Variants in ARHGEF10 observed in about 807,000 individuals in gnomAD.
ARHGEF10 encodes Rho guanine nucleotide exchange factor 10, also known as Rho guanine nucleotide exchange factor (GEF) 10.
In ARHGEF10, 140 loss-of-function variants were observed where a neutral mutation model predicts 147.4. The ratio of observed to expected loss-of-function variants is 0.95; its 90% CI spans 0.83 to 1.09. The LOEUF is 1.09. ARHGEF10 is among the 50% of genes least tolerant of loss of function. The pLI is 0.00. For missense variants in ARHGEF10, 2,222 were observed against 1,752.7 expected (o/e 1.27, Z -4.78); for synonymous variants, 902 against 695.8 (o/e 1.30, Z -4.67).
At position 1,948,458 on chromosome 8, in the gene ARHGEF10, A is replaced by G. The variant is rs971995892; in HGVS notation, c.3397+2803A>G. 6.6e-6 allele frequency among the ~76,000 whole-genome samples: 1 copy of G among 152,188 alleles called. No homozygotes were observed. The highest frequency in any genetic ancestry group is 1.5e-5 in the Non-Finnish European group (1 of 68,028). On this transcript the variant is annotated intron_variant, in intron 27 of 28. Transcript: ENST00000349830. The surrounding 1 kb of genome is among the most constrained non-coding windows in gnomAD (Gnocchi z 4.9). ...CCAGCTTCACTGATTTCTGGGGTAC[A>G]CTGACTGCTTTACCCACATTCAGTT...
In ARHGEF10 at chr8:1,832,653, GAGAGACAGAGGC is replaced by G. The variant is rs1265095261; in HGVS notation, c.-48+8563_-48+8574del. ...AGACAGAGGCAGAGGCAGAGACAGA[GAGAGACAGAGGC>G]AGAGACAGAGGCAGAGACAGAGACA... On this transcript the variant is annotated intron_variant, in intron 1 of 28. Transcript: ENST00000349830. 1.8e-4 allele frequency among the ~76,000 whole-genome samples: 22 copies of G among 124,052 alleles called. 5 individuals are homozygous for G. Among genetic ancestry groups the G allele is most frequent in the East Asian group, 1.7e-3 (7 of 4,034 alleles). The allele number at this position is 124,052 out of a possible 152,430, so 81.4% of individuals were successfully genotyped here. A position where few individuals can be genotyped will look rare whatever the true frequency, so the allele number is the denominator to read the frequency against.
rs79774321 is a variant in ARHGEF10 at position 1,826,167 on chromosome 8, T to A, written c.-48+2054T>A. On this transcript the variant is annotated intron_variant, in intron 1 of 28. Transcript: ENST00000349830. The stretch of plus-strand genomic sequence containing the variant: ...AAAGTCATTTGTATAAGGTGCTATT[T>A]GTAATTCATTAGTTGTAGACAGTTG... The A allele has an allele frequency of 3.3e-4, 514 of 1,569,940 alleles. 1 individual carries two copies. The African/African-American group carries it at 6.3e-3, about 19-fold the overall frequency.
intron 11 of ARHGEF10, among the ~76,000 whole-genome samples, chr8:1,887,192 C>T (rs1394798311): frequency 3.3e-5 from 5 of 152,126 alleles, no homozygotes; most frequent in East Asian, 1.9e-4. Flanking sequence ...CTTACTGTAG[C>T]GATGAAGCCG....
chr8:1,930,231 A>C (rs896293143), intron 25 of ARHGEF10, among the ~76,000 whole-genome samples: 3 of 151,248 alleles, frequency 2.0e-5, no homozygotes, highest in Non-Finnish European at 4.4e-5. Context: ...CCCTCACCGA[A>C]AGTTGCCCTG....
intron 2 of ARHGEF10, among the ~76,000 whole-genome samples, chr8:1,856,116 C>A (rs1036701745): frequency 6.6e-6 from 1 of 152,266 alleles, no homozygotes; most frequent in African/African-American, 2.4e-5. Context: ...AAGTCTTTGA[C>A]CCTCTAGGAA....
In ARHGEF10 at chr8:1,947,962, G is replaced by A. The variant is rs959699032; in HGVS notation, c.3397+2307G>A. On this transcript the variant is annotated intron_variant, in intron 27 of 28. Coordinates refer to ENST00000349830, the MANE Select transcript of ARHGEF10 (RefSeq NM_014629.4). ...TCCTGCACCCACCCAGAAACAGAAT[G>A]CAGACCCCTTGCCGGCTGCTCAGGT... Among the ~76,000 whole-genome samples, 5 of 152,170 alleles carry A rather than the reference G, an allele frequency of 3.3e-5. No individual in the cohort carries two copies. In the South Asian group the frequency reaches 1.0e-3, roughly 32 times the overall value.
chr8:1,941,806 C>T (rs1814117098), intron 26 of ARHGEF10, among the ~76,000 whole-genome samples: 1 of 152,158 alleles, frequency 6.6e-6, no homozygotes, highest in African/African-American at 2.4e-5. Context: ...TGTCTATGTT[C>T]ACATAATTTT....
chr8:1,936,237 G>A lies in ARHGEF10; in HGVS notation c.3222+2295G>A, dbSNP rs147215373. ...TCATCATTAAAAATTCCTCTGGGCC[G>A]GGCACAGCGGCTCACACCTGTAATT... On this transcript the variant is annotated intron_variant, in intron 26 of 28. Transcript: ENST00000349830. Among the ~76,000 whole-genome samples the A allele has an allele frequency of 1.9e-3, 295 of 152,258 alleles. 1 individual carries two copies. The highest frequency in any genetic ancestry group is 8.1e-3 in the South Asian group (39 of 4,814).
chr8:1,836,147 T>G (rs111650964), intron 1 of ARHGEF10, among the ~76,000 whole-genome samples: 1 of 150,364 alleles, frequency 6.7e-6, no homozygotes, highest in Non-Finnish European at 1.5e-5. Flanking sequence ...TGCTACTGCA[T>G]TCCAGCCTGG....
At chr8:1,913,096 G>C (rs1032082286) in intron 18 of ARHGEF10, among the ~76,000 whole-genome samples, 27 of 152,126 alleles carry the variant, frequency 1.8e-4, no homozygotes, top group Admixed American at 1.8e-3. Flanking sequence ...ACTGTCAAGC[G>C]CTCCTAGTTC....
intron 1 of ARHGEF10, among the ~76,000 whole-genome samples, chr8:1,824,776 TGCACCCCACCTGTCCCCTC>T (rs1476712624): frequency 7.0e-5 from 4 of 57,062 alleles, no homozygotes; most frequent in African/African-American, 3.2e-4. Context: ...CTGTTTATTC[TGCACCCCACCTGTCCCCTC>T]GCACCCCACC....
At chr8:1,915,113 C>T (rs532749075) in intron 18 of ARHGEF10, among the ~76,000 whole-genome samples, 6 of 152,162 alleles carry the variant, frequency 3.9e-5, no homozygotes, top group East Asian at 1.9e-4. Context: ...TGCAGATGAA[C>T]GGCCTCCCTT....
chr8:1,880,849 C>T (rs987670627), intron 9 of ARHGEF10, among the ~76,000 whole-genome samples: 1 of 152,224 alleles, frequency 6.6e-6, no homozygotes, highest in Non-Finnish European at 1.5e-5. Context: ...GGGATGTGCA[C>T]TCCACACAGC....
chr8:1,876,395 G>A, intron 7 of ARHGEF10, 176 bp from the exon 8 acceptor site: 1 of 671,040 alleles, frequency 1.5e-6, no homozygotes, highest in Non-Finnish European at 2.6e-6. Flanking sequence ...CCGGGTGGTG[G>A]AGGCGCTGCA....
intron 25 of ARHGEF10, among the ~76,000 whole-genome samples, chr8:1,932,480 T>C (rs145273077): frequency 3.8e-4 from 57 of 151,460 alleles, no homozygotes; most frequent in South Asian, 2.1e-3. Context: ...GTGTGTGACA[T>C]GTGCACGTGT....
chr8:1,859,856 T>C, intron 3 of ARHGEF10, 41 bp from the exon 4 acceptor site: 1 of 1,612,714 alleles, frequency 6.2e-7, no homozygotes, highest in Non-Finnish European at 8.5e-7. Context: ...TGCCATGCCC[T>C]TGGTGATGTG....
At chr8:1,880,868 C>G (rs1037579620) in intron 9 of ARHGEF10, among the ~76,000 whole-genome samples, 1 of 152,238 alleles carries the variant, frequency 6.6e-6, no homozygotes, top group Non-Finnish European at 1.5e-5. Flanking sequence ...GCTTCTGGAG[C>G]AGCCGGCTCA....
At chr8:1,912,714 C>T (rs1033390968) in intron 18 of ARHGEF10, among the ~76,000 whole-genome samples, 8 of 152,178 alleles carry the variant, frequency 5.3e-5, no homozygotes, top group African/African-American at 1.9e-4. Context: ...TTTAAGCTCC[C>T]AAACTCCCTG....
intron 18 of ARHGEF10, 22 bp downstream of exon 18, chr8:1,909,492 G>A (rs548808432): frequency 1.7e-5 from 28 of 1,613,192 alleles, no homozygotes; most frequent in Non-Finnish European, 2.3e-5. Context: ...TTTCTCTCAC[G>A]TTCGTGCCGT....
Sources: allele counts gnomAD v4.1 joint callset (sites outside exome capture counted in the v4.1 genomes callset), GRCh38; gene constraint gnomAD v4.1.1; non-coding constraint Gnocchi (gnomAD v3.1); transcripts MANE v1.5; gene names NCBI Gene and HGNC (gene_info 2026-07-23, HGNC 2026-07-21).